Variants in ZNF17 observed in about 807,000 individuals in gnomAD.
ZNF17 encodes zinc finger protein 17 (HPF3, KOX 10).
A neutral mutation model predicts 7.7 loss-of-function variants in ZNF17; 4 were observed. That is an observed-to-expected ratio of 0.52 (90% confidence interval 0.26 to 1.20). ZNF17 has a LOEUF of 1.20. Among genes scored for constraint, ZNF17 ranks in the 50% most tolerant of loss-of-function variants. The pLI is 0.14. For missense variants in ZNF17, 738 were observed against 799.5 expected (o/e 0.92, Z 0.93); for synonymous variants, 249 against 258.8 (o/e 0.96, Z 0.36).
Position 57,421,075 on chromosome 19 carries a change from G to A in ZNF17, c.1589G>A (p.Cys530Tyr), listed in dbSNP as rs1385320360. Reference sequence around the variant, plus strand: ...CACACTGGTGAAAGGCCTTATGAGTGTAGTGAATGTGGGAAATTCTTTAGG... The same window carrying A: ...CACACTGGTGAAAGGCCTTATGAGTATAGTGAATGTGGGAAATTCTTTAGG... The part of the protein sequence containing the change: ...RIHTGERPYE[C>Y]SECGKFFRHN... Residue 530 changes from cysteine to tyrosine, a missense_variant, in exon 4 of 4, where the codon TGT (cysteine) becomes TAT (tyrosine). Cys to Tyr is a radical substitution (Grantham distance 194, BLOSUM62 -2). This residue lies in a region of ZNF17 where 616 missense variants were observed against 663.9 expected (regional missense o/e 0.93). Coordinates refer to ENST00000307658, the MANE Select transcript of ZNF17 (RefSeq NM_001330617.2). 1 of 1,614,052 alleles carries A rather than the reference G, an allele frequency of 6.2e-7. No individual in the cohort carries two copies. The highest frequency in any genetic ancestry group is 1.3e-5 in the African/African-American group (1 of 74,956).
Position 57,421,559 on chromosome 19 carries a change from A to T in ZNF17, c.*78A>T, listed in dbSNP as rs1224259515. 3 of 1,454,748 alleles carry T rather than the reference A, an allele frequency of 2.1e-6. No homozygotes were observed. Among genetic ancestry groups the T allele is most frequent in the Admixed American group, 2.3e-5 (1 of 42,952 alleles). The allele number at this position is 1,454,748 out of a possible 1,614,324, so 90.1% of individuals were successfully genotyped here. ...GATTTAGCACTGGGACCTACGTTTT[A>T]AAAAAAGTATTCTTGTAGAATACAG... On this transcript the variant is annotated 3_prime_UTR_variant, in exon 4 of 4. Coordinates refer to ENST00000307658, the MANE Select transcript of ZNF17 (RefSeq NM_001330617.2).
chr19:57,418,930 T>TG (rs958498898), intron 3 of ZNF17: 9 of 152,616 alleles, frequency 5.9e-5, no homozygotes, highest in Admixed American at 3.3e-4. Context: ...GTTTCGCTCT[T>TG]GCAATGGTGC....
Position 57,421,445 on chromosome 19 carries a change from T to A in ZNF17, c.1959T>A (p.Ser653=), listed in dbSNP as rs754357277. The A allele has an allele frequency of 5.6e-6, 9 of 1,611,766 alleles. No individual in the cohort carries two copies. The highest frequency in any genetic ancestry group is 7.6e-6 in the Non-Finnish European group (9 of 1,178,802). The stretch of plus-strand genomic sequence containing the variant: ...GTGGAAGAGTCTTTAACCAAAATTC[T>A]CATCTCATTCAGCACCAGAAAGTTC... ...SECGRVFNQN[S]HLIQHQKVHT... Residue 653 remains serine, a synonymous_variant, in exon 4 of 4, where the codon TCT becomes TCA. Transcript: ENST00000307658.
rs756948339 is a variant in ZNF17, at chr19:57,420,116, C to T, written c.630C>T (p.His210=). The T allele has an allele frequency of 1.2e-6, 2 of 1,614,174 alleles. No homozygotes were observed. Among genetic ancestry groups the T allele is most frequent in the South Asian group, 2.2e-5 (2 of 91,086 alleles). ...GCCACCAACATACACTGTTTGAGCACCAGAAAATCCACACAGAGGAAAGGC... is the reference window on the plus strand; with the variant it reads ...GCCACCAACATACACTGTTTGAGCATCAGAAAATCCACACAGAGGAAAGGC... The part of the protein sequence containing the change: ...DFCHQHTLFE[H]QKIHTEERPY... The change falls in exon 4 of 4, where the codon CAC becomes CAT. Residue 210 remains histidine, a synonymous_variant. Transcript: ENST00000307658.
rs1360106023 is a variant in ZNF17, at chr19:57,421,749, C to T, written c.*268C>T. On this transcript the variant is annotated 3_prime_UTR_variant, in exon 4 of 4. Transcript: ENST00000307658. The stretch of plus-strand genomic sequence containing the variant: ...CTCCATCCAGCCTCTTGACAAGCAC[C>T]GCTCTGTATGAATTTTACTAGTCCG... 7.4e-5 allele frequency: 24 copies of T among 324,536 alleles called. No homozygotes were observed. The highest frequency in any genetic ancestry group is 1.0e-4 in the East Asian group (2 of 19,956). The allele number at this position is 324,536 out of a possible 1,614,324, so 20.1% of individuals were successfully genotyped here. A position where few individuals can be genotyped will look rare whatever the true frequency, so the allele number is the denominator to read the frequency against.
chr19:57,418,928 C>CTTG (rs3053672), intron 3 of ZNF17: 57,055 of 152,334 alleles, frequency 0.37, 13,468 homozygotes, highest in African/African-American at 0.67. Flanking sequence ...GAGTTTCGCT[C>CTTG]TTGCAATGGT....
rs1221526376 is a variant in ZNF17, at chr19:57,420,560, G to A, written c.1074G>A (p.Arg358=). 6.2e-7 allele frequency: 1 copy of A among 1,613,996 alleles called. No individual in the cohort carries two copies. Among genetic ancestry groups the A allele is most frequent in the South Asian group, 1.1e-5 (1 of 91,082 alleles). Residue 358 remains arginine (R), a synonymous_variant, in exon 4 of 4, where the codon AGG becomes AGA. Transcript: ENST00000307658. ...ATCAGAAAGTTCACACTGGAGAAAG[G>A]CCTTTTTATTGCTGTGAATGTGGGA... ...IRHQKVHTGE[R]PFYCCECGKF...
At chr19:57,416,127 A>C (rs1454265324) in intron 2 of ZNF17, among the ~76,000 whole-genome samples, 1 of 152,158 alleles carries the variant, frequency 6.6e-6, no homozygotes. Flanking sequence ...AGAAAGAAAC[A>C]GGATTGGGTT....
rs567981023 is a variant in ZNF17 at position 57,420,901 on chromosome 19, A to G, written c.1415A>G (p.Tyr472Cys). The change falls in exon 4 of 4, where the codon TAT becomes TGT. Residue 472 changes from tyrosine to cysteine, a missense_variant. Tyr to Cys is a radical substitution (Grantham distance 194). Coordinates refer to ENST00000307658, the MANE Select transcript of ZNF17 (RefSeq NM_001330617.2). The stretch of plus-strand genomic sequence containing the variant: ...AGAGTTCACTCTGGAGAGAGGCCTT[A>G]TGAATGCAGTGAATGTGGCAAATTC... ...HQRVHSGERP[Y>C]ECSECGKFFV... The G allele has an allele frequency of 5.0e-6, 8 of 1,614,136 alleles. No homozygotes were observed. In the East Asian group the frequency reaches 1.1e-4, roughly 22 times the overall value.
In ZNF17 at chr19:57,420,483, G is replaced by A. The variant is rs2088842356; in HGVS notation, c.997G>A (p.Gly333Arg). 1.2e-6 allele frequency: 2 copies of A among 1,614,094 alleles called. No homozygotes were observed. Among genetic ancestry groups the A allele is most frequent in the African/African-American group, 1.3e-5 (1 of 75,000 alleles). Reference sequence around the variant, plus strand: ...AATTCATACTGGAGAACGGCCTTATGGATGCAATGAATGTGGGAAATACTT... The same window carrying A: ...AATTCATACTGGAGAACGGCCTTATAGATGCAATGAATGTGGGAAATACTT... ...QKIHTGERPY[G>R]CNECGKYFMY... The change falls in exon 4 of 4, where the codon GGA becomes AGA. Residue 333 changes from glycine to arginine, a missense_variant. Transcript: ENST00000307658.
Position 57,419,610 on chromosome 19 carries a change from CA to C in ZNF17, c.149-24del, listed in dbSNP as rs746369450. Reference sequence around the variant, plus strand: ...GCCTCTTCCCTCCAAAGTCATCATGCACTTCATGAGCATTTCTGTTTTAGGT... The same window carrying C: ...GCCTCTTCCCTCCAAAGTCATCATGCCTTCATGAGCATTTCTGTTTTAGGT... On this transcript the variant is annotated intron_variant, in intron 3 of 3. Coordinates refer to ENST00000307658, the MANE Select transcript of ZNF17 (RefSeq NM_001330617.2). 5.0e-6 allele frequency: 8 copies of C among 1,586,656 alleles called. No individual in the cohort carries two copies. The East Asian group carries it at 1.8e-4, about 36-fold the overall frequency.
At chr19:57,415,032 G>A (rs2088802942) in intron 2 of ZNF17, among the ~76,000 whole-genome samples, 1 of 152,192 alleles carries the variant, frequency 6.6e-6, no homozygotes, top group Non-Finnish European at 1.5e-5. Flanking sequence ...GATTCTAAGA[G>A]GCTTCCTCTG....
At chr19:57,414,702 T>G (rs1353415600) in intron 2 of ZNF17, among the ~76,000 whole-genome samples, 1 of 151,168 alleles carries the variant, frequency 6.6e-6, no homozygotes, top group Non-Finnish European at 1.5e-5. Flanking sequence ...AGAGGTGATT[T>G]GACCTAGATT....
rs1219625491 is a variant in ZNF17, at chr19:57,419,964, G to C, written c.478G>C (p.Gly160Arg). The C allele has an allele frequency of 6.2e-7, 1 of 1,614,224 alleles. No homozygotes were observed. The highest frequency in any genetic ancestry group is 8.5e-7 in the Non-Finnish European group (1 of 1,180,046). ...CATGCAGGGTGGCAAGGATTTTACTGGTGATTCAGATCTTCAACAACAGGC... is the reference window on the plus strand; with the variant it reads ...CATGCAGGGTGGCAAGGATTTTACTCGTGATTCAGATCTTCAACAACAGGC... ...TCMQGGKDFT[G>R]DSDLQQQALH... Residue 160 changes from glycine (G) to arginine (R), a missense_variant, in exon 4 of 4, where the codon GGT (glycine) becomes CGT (arginine). Around this residue, in one of 3 missense-constraint regions of ZNF17, gnomAD observed 616 missense variants for 663.9 expected, o/e 0.93. Transcript: ENST00000307658.
intron 1 of ZNF17, chr19:57,411,686 C>G: frequency 7.5e-7 from 1 of 1,332,060 alleles, no homozygotes; most frequent in Non-Finnish European, 9.6e-7. Flanking sequence ...GGCAGCGGAG[C>G]TGCTGAAAGC....
chr19:57,421,742 C>G lies in ZNF17; in HGVS notation c.*261C>G, dbSNP rs1297840923. 2.8e-6 allele frequency: 1 copy of G among 359,432 alleles called. No homozygotes were observed. The highest frequency in any genetic ancestry group is 2.1e-5 in the African/African-American group (1 of 47,700). 22.3% of individuals were successfully genotyped at this position (359,432 alleles called of 1,614,324 possible). A position where few individuals can be genotyped will look rare whatever the true frequency, so the allele number is the denominator to read the frequency against. ...TTCCTCACTCCATCCAGCCTCTTGACAAGCACCGCTCTGTATGAATTTTAC... is the reference window on the plus strand; with the variant it reads ...TTCCTCACTCCATCCAGCCTCTTGAGAAGCACCGCTCTGTATGAATTTTAC... On this transcript the variant is annotated 3_prime_UTR_variant, in exon 4 of 4. Coordinates refer to ENST00000307658, the MANE Select transcript of ZNF17 (RefSeq NM_001330617.2).
At chr19:57,412,723 C>T (rs566093126) in intron 1 of ZNF17, among the ~76,000 whole-genome samples, 7 of 152,260 alleles carry the variant, frequency 4.6e-5, no homozygotes, top group African/African-American at 1.7e-4. Context: ...GGATTACAGG[C>T]ATGAGCCACC....
chr19:57,417,258 A>G lies in ZNF17; in HGVS notation c.22-654A>G, dbSNP rs187695029. 9.2e-5 allele frequency among the ~76,000 whole-genome samples: 14 copies of G among 152,246 alleles called. 1 individual carries two copies. In the East Asian group the frequency reaches 2.5e-3, roughly 27 times the overall value. ...CACAGTTGAAGGGAGAGCATATATCAGTGGCTTTATTGGGGTTTTGGCTGG... is the reference window on the plus strand; with the variant it reads ...CACAGTTGAAGGGAGAGCATATATCGGTGGCTTTATTGGGGTTTTGGCTGG... On this transcript the variant is annotated intron_variant, in intron 2 of 3. Transcript: ENST00000307658.
Position 57,413,623 on chromosome 19 carries a change from T to C in ZNF17, c.8T>C (p.Met3Thr). The change falls in exon 2 of 4, where the codon ATG becomes ACG. Residue 3 changes from methionine to threonine, a missense_variant. Physicochemically the swap from Met to Thr is moderately conservative, Grantham distance 81. Around this residue, in one of 3 missense-constraint regions of ZNF17, gnomAD observed 616 missense variants for 663.9 expected, o/e 0.93. Transcript: ENST00000307658. The stretch of plus-strand genomic sequence containing the variant: ...TTCATAGCAGTGGCAGCAATGCTTA[T>C]GGATGCTGGACAGGTGAGTGGAGAG... Reference protein sequence around the residue: MLMDAGQDYMVFE... With the variant: MLTDAGQDYMVFE... The C allele has an allele frequency of 1.3e-6, 2 of 1,536,126 alleles. No individual in the cohort carries two copies. The highest frequency in any genetic ancestry group is 1.2e-5 in the South Asian group (1 of 84,062).
Sources: allele counts gnomAD v4.1 joint callset (sites outside exome capture counted in the v4.1 genomes callset), GRCh38; gene constraint gnomAD v4.1.1; regional missense constraint gnomAD v4.1.1; transcripts MANE v1.5; gene names NCBI Gene and HGNC (gene_info 2026-07-23, HGNC 2026-07-21).